Variants in NEURL1 observed in about 807,000 individuals in gnomAD.
NEURL1 encodes neuralized E3 ubiquitin protein ligase 1, also known as E3 ubiquitin-protein ligase NEURL1.
NEURL1 carries 26 observed loss-of-function variants against 41.2 expected under a neutral mutation model. The observed-to-expected ratio is 0.63, with a 90% CI of 0.46 to 0.87. NEURL1 has a LOEUF of 0.87. Ranked by LOEUF, NEURL1 falls within the 40% of genes least tolerant of loss-of-function variation. NEURL1 has a pLI of 0.00. For synonymous variants in NEURL1, 400 were observed against 402.3 expected (o/e 0.99, Z 0.07); for missense variants, 761 against 871.1 (o/e 0.87, Z 1.59).
chr10:103,516,250 GA>G, intron 1 of NEURL1, among the ~76,000 whole-genome samples: 1 of 143,860 alleles, frequency 7.0e-6, no homozygotes, highest in African/African-American at 2.6e-5. Flanking sequence ...AAAAAGAAAA[GA>G]AAAAAATAAA....
chr10:103,517,904 G>A (rs559575391), intron 1 of NEURL1, among the ~76,000 whole-genome samples: 16 of 152,318 alleles, frequency 1.1e-4, no homozygotes, highest in East Asian at 3.9e-4. Context: ...CTCTGCTCCC[G>A]TGGGCCTCAC....
chr10:103,586,289 A>T (rs2035922313), intron 4 of NEURL1, among the ~76,000 whole-genome samples: 1 of 152,126 alleles, frequency 6.6e-6, no homozygotes, highest in African/African-American at 2.4e-5. Context: ...CCCCAGAGTG[A>T]GCAGGTATTC....
At chr10:103,547,967 G>A (rs74154533) in intron 1 of NEURL1, among the ~76,000 whole-genome samples, 26,329 of 151,956 alleles carry the variant, frequency 0.17, 2,514 homozygotes, top group South Asian at 0.31. Flanking sequence ...ATAAAGTCTC[G>A]TTGCCTGCCC....
intron 1 of NEURL1, among the ~76,000 whole-genome samples, chr10:103,522,453 C>A (rs1489304445): frequency 4.8e-5 from 7 of 145,440 alleles, no homozygotes; most frequent in Admixed American, 6.8e-5. Flanking sequence ...ACTAATAATA[C>A]AAAAAAAAAA....
chr10:103,494,321 C>A lies in NEURL1; in HGVS notation c.-67C>A, dbSNP rs530920828. 56 of 1,389,298 alleles carry A rather than the reference C, an allele frequency of 4.0e-5. No individual in the cohort carries two copies. In the South Asian group the frequency reaches 5.9e-4, roughly 15 times the overall value. The allele number at this position is 1,389,298 out of a possible 1,614,324, so 86.1% of individuals were successfully genotyped here. A position where few individuals can be genotyped will look rare whatever the true frequency, so the allele number is the denominator to read the frequency against. On this transcript the variant is annotated 5_prime_UTR_variant, in exon 1 of 6. Transcript: ENST00000369780. Reference sequence around the variant, plus strand: ...GCACCCGCGCGCGCACACTCGCACACCGCACCTCAGCGCCTGCCCGGCCTC... The same window carrying A: ...GCACCCGCGCGCGCACACTCGCACAACGCACCTCAGCGCCTGCCCGGCCTC...
At chr10:103,496,886 G>A (rs2033698040) in intron 1 of NEURL1, among the ~76,000 whole-genome samples, 1 of 152,066 alleles carries the variant, frequency 6.6e-6, no homozygotes. Flanking sequence ...CCAACTAATT[G>A]CATCTTTTTA....
intron 1 of NEURL1, among the ~76,000 whole-genome samples, chr10:103,524,050 T>C (rs1331942463): frequency 1.3e-5 from 2 of 152,190 alleles, no homozygotes; most frequent in Non-Finnish European, 2.9e-5. Flanking sequence ...CTAATTTACA[T>C]TCCCGCCTGC....
chr10:103,538,160 T>C (rs573106450), intron 1 of NEURL1, among the ~76,000 whole-genome samples: 65 of 152,154 alleles, frequency 4.3e-4, no homozygotes, highest in African/African-American at 1.5e-3. Context: ...AGTGGCATGA[T>C]CTCAGCTCAC....
rs532937085 is a variant in NEURL1, at chr10:103,531,128, G to A, written c.85+36656G>A. On this transcript the variant is annotated intron_variant, in intron 1 of 5. Transcript: ENST00000369780. ...CCAGCTACTTGGGAGGCTGAGGCAG[G>A]AGAATTGCTTGAACCCAGGAGGCGG... 4.6e-5 allele frequency among the ~76,000 whole-genome samples: 7 copies of A among 152,012 alleles called. No individual in the cohort carries two copies. In the South Asian group the frequency reaches 6.2e-4, roughly 14 times the overall value.
intron 1 of NEURL1, among the ~76,000 whole-genome samples, chr10:103,506,391 G>C (rs570487447): frequency 8.5e-5 from 13 of 152,300 alleles, no homozygotes; most frequent in African/African-American, 3.1e-4. Flanking sequence ...ATGTATTGGT[G>C]CCTGCTCTGA....
Position 103,566,756 on chromosome 10 carries a change from G to A in NEURL1, c.86-4116G>A, listed in dbSNP as rs2035432598. Among the ~76,000 whole-genome samples the A allele has an allele frequency of 1.3e-5, 2 of 152,134 alleles. No homozygotes were observed. Among genetic ancestry groups the A allele is most frequent in the Admixed American group, 1.3e-4 (2 of 15,268 alleles). ...ATATGTTAGGCATTTTTCACTTCAT[G>A]AGAAACTGCCAAACCATTCTCAACA... On this transcript the variant is annotated intron_variant, in intron 1 of 5. Coordinates refer to ENST00000369780, the MANE Select transcript of NEURL1 (RefSeq NM_004210.5). The surrounding 1 kb of genome is among the most constrained non-coding windows in gnomAD (Gnocchi z 4.2).
At chr10:103,516,699 C>T (rs1467519525) in intron 1 of NEURL1, among the ~76,000 whole-genome samples, 1 of 152,124 alleles carries the variant, frequency 6.6e-6, no homozygotes, top group Admixed American at 6.5e-5. Context: ...TGATATGGCA[C>T]AGTGCAGTGG....
At chr10:103,572,619 T>C (rs1311925542) in intron 3 of NEURL1, among the ~76,000 whole-genome samples, 1 of 152,178 alleles carries the variant, frequency 6.6e-6, no homozygotes, top group East Asian at 1.9e-4. Context: ...TCCGACTTCC[T>C]AGGGTCACAC....
intron 1 of NEURL1, among the ~76,000 whole-genome samples, chr10:103,501,442 T>A (rs1458648478): frequency 6.6e-6 from 1 of 151,886 alleles, no homozygotes; most frequent in African/African-American, 2.4e-5. Context: ...TCTGAAAGCA[T>A]TTCCAACCCA....
intron 1 of NEURL1, among the ~76,000 whole-genome samples, chr10:103,549,555 C>A (rs1387437157): frequency 6.6e-6 from 1 of 152,222 alleles, no homozygotes; most frequent in African/African-American, 2.4e-5. Flanking sequence ...CCAGGCCCAG[C>A]CTAATGAGTA....
chr10:103,514,044 T>C (rs970760192), intron 1 of NEURL1, among the ~76,000 whole-genome samples: 1 of 152,088 alleles, frequency 6.6e-6, no homozygotes, highest in African/African-American at 2.4e-5. Flanking sequence ...TTTCTCTTTC[T>C]TTTTGCACCT....
At chr10:103,580,128 C>A (rs1012018906) in intron 3 of NEURL1, among the ~76,000 whole-genome samples, 5 of 151,952 alleles carry the variant, frequency 3.3e-5, no homozygotes, top group Non-Finnish European at 5.9e-5. Context: ...AAACACATGG[C>A]CGGGACCTCC....
intron 1 of NEURL1, among the ~76,000 whole-genome samples, chr10:103,553,785 C>T (rs1480311742): frequency 2.6e-5 from 4 of 152,212 alleles, no homozygotes; most frequent in African/African-American, 9.6e-5. Context: ...TGTCCTCCCA[C>T]CTGCCCGCTG....
intron 5 of NEURL1, 145 bp downstream of exon 5, chr10:103,589,805 C>T: frequency 2.6e-6 from 3 of 1,145,296 alleles, no homozygotes; most frequent in Non-Finnish European, 3.7e-6. Flanking sequence ...GGGTCATCCC[C>T]TCCTGTCCCC....
Sources: allele counts gnomAD v4.1 joint callset (sites outside exome capture counted in the v4.1 genomes callset), GRCh38; gene constraint gnomAD v4.1.1; non-coding constraint Gnocchi (gnomAD v3.1); transcripts MANE v1.5; gene names NCBI Gene and HGNC (gene_info 2026-07-23, HGNC 2026-07-21).